The following TBC1D8 variants were observed in gnomAD, a reference collection of about 807,000 sequenced individuals.
TBC1D8 encodes the protein TBC1 domain family member 8.
A neutral mutation model predicts 118.8 loss-of-function variants in TBC1D8; 65 were observed. That is an observed-to-expected ratio of 0.55 (90% CI 0.45 to 0.67). The LOEUF (loss-of-function observed/expected upper bound fraction) is 0.67. TBC1D8 is among the 30% of genes least tolerant of loss of function. TBC1D8 has a pLI of 0.00. For synonymous variants in TBC1D8, 566 were observed against 595.8 expected, an observed-to-expected ratio of 0.95 and a Z score of 0.73; for missense variants, 1,376 against 1,471.2, an observed-to-expected ratio of 0.94 and a Z score of 1.06.
Position 101,040,171 on chromosome 2 carries a change from A to G in TBC1D8, c.1080+7T>C, listed in dbSNP as rs752937696. 1.2e-5 allele frequency: 20 copies of G among 1,613,152 alleles called. No individual in the cohort carries two copies. The highest frequency in any genetic ancestry group is 1.7e-6 in the Non-Finnish European group (2 of 1,179,436). On this transcript the variant is annotated splice_region_variant and intron_variant, in intron 6 of 19. Coordinates refer to ENST00000409318, the MANE Select transcript of TBC1D8 (RefSeq NM_001330348.2). ...GCTTCGGGAAGCAGACAGTAGGGCC[A>G]GTCTACCTCTCTGAGTGGCAGGATG... is the stretch of plus-strand genomic sequence containing the variant.
At chr2:101,089,967 G>A (rs1352064410) in intron 2 of TBC1D8, among the ~76,000 whole-genome samples, 1 of 148,982 alleles carries the variant, frequency 6.7e-6, no homozygotes, top group Non-Finnish European at 1.5e-5. Context: ...AGCAAGGGTT[G>A]AGAGGGAGGG....
chr2:101,052,631 C>T (rs374641263), intron 4 of TBC1D8, among the ~76,000 whole-genome samples: 26 of 152,204 alleles, frequency 1.7e-4, no homozygotes, highest in African/African-American at 6.0e-4. Context: ...CGTGCACCAC[C>T]GTGCCTGGCT....
intron 1 of TBC1D8, among the ~76,000 whole-genome samples, chr2:101,138,605 A>G (rs186106673): frequency 6.6e-6 from 1 of 152,330 alleles, no homozygotes; most frequent in East Asian, 1.9e-4. Flanking sequence ...TGGCTCACAG[A>G]AACACATTTC....
intron 2 of TBC1D8, among the ~76,000 whole-genome samples, chr2:101,072,359 G>GGA (rs776682066): frequency 1.3e-5 from 2 of 151,850 alleles, no homozygotes; most frequent in East Asian, 1.9e-4. Flanking sequence ...GAGAGGGGCA[G>GGA]GAGAGAGAGA....
chr2:101,109,982 T>C (rs993869924), intron 1 of TBC1D8: 32 of 985,312 alleles, frequency 3.2e-5, no homozygotes, highest in Non-Finnish European at 3.9e-5. Flanking sequence ...AGCAGTTCCA[T>C]ATGGCTTGTC....
At chr2:101,104,024 A>G (rs1020060243) in intron 1 of TBC1D8, among the ~76,000 whole-genome samples, 1 of 152,200 alleles carries the variant, frequency 6.6e-6, no homozygotes, top group African/African-American at 2.4e-5. Flanking sequence ...GGTTAACATG[A>G]CAACATCTCT....
At chr2:101,008,338 A>G in intron 19 of TBC1D8, 65 bp from the exon 20 acceptor site, 1 of 1,292,438 alleles carries the variant, frequency 7.7e-7, no homozygotes, top group Admixed American at 3.0e-5. Context: ...TTTTTTTTAA[A>G]CATACCTGTG....
chr2:101,007,647 A>G lies in TBC1D8; in HGVS notation c.*174T>C. ...TTAGGGCACTGACAATTCTCAATACATAGAAATGCTTGAGGGTTGTGTCGG... is the reference window on the plus strand; with the variant it reads ...TTAGGGCACTGACAATTCTCAATACGTAGAAATGCTTGAGGGTTGTGTCGG... On this transcript the variant is annotated 3_prime_UTR_variant, in exon 20 of 20. Transcript: ENST00000409318. 3 of 659,796 alleles carry G rather than the reference A, an allele frequency of 4.5e-6. No individual in the cohort carries two copies. Among genetic ancestry groups the G allele is most frequent in the South Asian group, 3.9e-5 (2 of 51,898 alleles). 40.9% of individuals were successfully genotyped at this position (659,796 alleles called of 1,614,324 possible). A position where few individuals can be genotyped will look rare whatever the true frequency, so the allele number is the denominator to read the frequency against.
chr2:101,060,706 G>T (rs187042311), intron 2 of TBC1D8, among the ~76,000 whole-genome samples: 1 of 152,162 alleles, frequency 6.6e-6, no homozygotes, highest in African/African-American at 2.4e-5. Context: ...GTAAGCACAC[G>T]ACTAGAAGCA....
chr2:101,020,072 CAAAAAA>C (rs200778679), intron 17 of TBC1D8, among the ~76,000 whole-genome samples: 43 of 90,968 alleles, frequency 4.7e-4, no homozygotes, highest in African/African-American at 2.2e-3. Flanking sequence ...AACTCCGTCT[CAAAAAA>C]AAAAAAAAAA....
At chr2:101,016,414 T>C (rs1271351212) in intron 17 of TBC1D8, among the ~76,000 whole-genome samples, 1 of 151,942 alleles carries the variant, frequency 6.6e-6, no homozygotes, top group Non-Finnish European at 1.5e-5. Context: ...CATTAAAAAG[T>C]CAGGAAACAA....
chr2:101,009,666 C>T (rs1007358375), intron 19 of TBC1D8, among the ~76,000 whole-genome samples: 5 of 151,954 alleles, frequency 3.3e-5, no homozygotes, highest in Non-Finnish European at 7.4e-5. Flanking sequence ...GCACAGTAGA[C>T]GAGCAGCATT....
rs1681101394 is a variant in TBC1D8, at chr2:101,037,662, A to G, written c.1322T>C (p.Phe441Ser). ...AGAAGACATCATTTCAAGATCCCCAAATCTGTGGTCACTGCACATGCTTGT... is the reference window on the plus strand; with the variant it reads ...AGAAGACATCATTTCAAGATCCCCAGATCTGTGGTCACTGCACATGCTTGT... The part of the protein sequence containing the change: ...HSTSMCSDHR[F>S]GDLEMMSSQN... The change falls in exon 8 of 20, where the codon TTT (phenylalanine) becomes TCT (serine). Residue 441 changes from phenylalanine to serine, a missense_variant. Physicochemically the swap from Phe to Ser is radical, Grantham distance 155 (BLOSUM62 -2). Coordinates refer to ENST00000409318, the MANE Select transcript of TBC1D8 (RefSeq NM_001330348.2). 6.2e-7 allele frequency: 1 copy of G among 1,613,716 alleles called. No individual in the cohort carries two copies.
At chr2:101,083,391 C>A (rs1004592975) in intron 2 of TBC1D8, among the ~76,000 whole-genome samples, 1 of 152,166 alleles carries the variant, frequency 6.6e-6, no homozygotes, top group African/African-American at 2.4e-5. Flanking sequence ...CATCTCAGCT[C>A]TCATCCAAAT....
At chr2:101,086,412 T>C (rs62155198) in intron 2 of TBC1D8, among the ~76,000 whole-genome samples, 15,009 of 152,124 alleles carry the variant, frequency 0.099, 944 homozygotes, top group South Asian at 0.2. Flanking sequence ...TTTCCTAAAG[T>C]GATTAAAGAA....
intron 1 of TBC1D8, among the ~76,000 whole-genome samples, chr2:101,129,931 A>C (rs1678517156): frequency 6.6e-6 from 1 of 151,922 alleles, no homozygotes; most frequent in African/African-American, 2.4e-5. Flanking sequence ...AAGAAAAAGA[A>C]AGGGCTAGCC....
chr2:101,114,603 T>C (rs1677739612), intron 1 of TBC1D8, among the ~76,000 whole-genome samples: 1 of 152,232 alleles, frequency 6.6e-6, no homozygotes, highest in Non-Finnish European at 1.5e-5. Flanking sequence ...CATGGTTCTG[T>C]TACAGTACCC....
intron 1 of TBC1D8, among the ~76,000 whole-genome samples, chr2:101,131,937 T>A (rs1035393774): frequency 6.6e-6 from 1 of 152,222 alleles, no homozygotes; most frequent in Non-Finnish European, 1.5e-5. Context: ...AAAGGTTTTT[T>A]AAAAATTGTT....
At chr2:101,063,850 G>A (rs1304279601) in intron 2 of TBC1D8, among the ~76,000 whole-genome samples, 1 of 152,004 alleles carries the variant, frequency 6.6e-6, no homozygotes, top group East Asian at 1.9e-4. Context: ...GCACACACAT[G>A]TGAATATATT....
Sources: allele counts gnomAD v4.1 joint callset (sites outside exome capture counted in the v4.1 genomes callset), GRCh38; gene constraint gnomAD v4.1.1; transcripts MANE v1.5; gene names NCBI Gene and HGNC (gene_info 2026-07-23, HGNC 2026-07-21).